SLC28A3: variants seen among roughly 807,000 people sequenced by gnomAD.
SLC28A3 encodes the protein solute carrier family 28 member 3, also known as concentrative Na(+)-nucleoside cotransporter 3.
Under a neutral mutation model 84.2 loss-of-function variants are expected in SLC28A3, and 68 were observed. That is an observed-to-expected ratio of 0.81 (90% CI 0.66 to 0.99). The LOEUF is 0.99. Among genes scored for constraint, SLC28A3 ranks in the 50% least tolerant of loss-of-function variants. The pLI is 0.00. For synonymous variants in SLC28A3, 267 were observed against 303.6 expected, an observed-to-expected ratio of 0.88 and a Z score of 1.25; for missense variants, 712 against 841.5, an observed-to-expected ratio of 0.85 and a Z score of 1.90.
chr9:84,291,724 G>T (rs1031283816), intron 10 of SLC28A3, among the ~76,000 whole-genome samples: 2 of 152,154 alleles, frequency 1.3e-5, no homozygotes, highest in Non-Finnish European at 2.9e-5. Context: ...TGTAAGCCTG[G>T]GATTTGGGGC....
At chr9:84,310,471 C>A in intron 2 of SLC28A3, 1 of 985,392 alleles carries the variant, frequency 1.0e-6, no homozygotes, top group Non-Finnish European at 1.2e-6. Context: ...ACCAATGGTA[C>A]AGAAGCTGGT....
rs897950568 is a variant in SLC28A3, at chr9:84,340,460, A to G, written c.60+114T>C. ...ATAATGGGCTTAAAGTGTGCCGTTA[A>G]AAATCGTATTGTCCTGATAATCTCC... On this transcript the variant is annotated intron_variant, in intron 1 of 17. Transcript: ENST00000376238. 7.8e-6 allele frequency: 9 copies of G among 1,148,056 alleles called. No homozygotes were observed. The East Asian group carries it at 9.4e-5, about 12-fold the overall frequency. 71.1% of individuals were successfully genotyped at this position (1,148,056 alleles called of 1,614,324 possible).
chr9:84,313,269 G>T (rs1588601922), intron 2 of SLC28A3, 90 bp downstream of exon 2: 1 of 1,082,518 alleles, frequency 9.2e-7, no homozygotes, highest in East Asian at 2.4e-5. Flanking sequence ...TGCCAGTGGG[G>T]CGCCATGCTT....
At chr9:84,347,749 C>A in the SLC28A3 span, among the ~76,000 whole-genome samples, 25 of 152,282 alleles carry the variant, frequency 1.6e-4, no homozygotes, top group Middle Eastern at 3.4e-3. Flanking sequence ...ATGCATAGAA[C>A]TGAAAGCTAT....
At chr9:84,348,422 C>T in the SLC28A3 span, among the ~76,000 whole-genome samples, 1 of 151,742 alleles carries the variant, frequency 6.6e-6, no homozygotes, top group Non-Finnish European at 1.5e-5. Context: ...TACTTCTACA[C>T]TCACTAGCTG....
rs2118040913 is a variant in SLC28A3, at chr9:84,280,662, A to T, written c.1729+139T>A. On this transcript the variant is annotated intron_variant, in intron 15 of 17. Transcript: ENST00000376238. ...GGGAAAACTATATTGCAGACTAGAGATTAAAAAAATAGACCCCAGAGGACT... is the reference window on the plus strand; with the variant it reads ...GGGAAAACTATATTGCAGACTAGAGTTTAAAAAAATAGACCCCAGAGGACT... The T allele has an allele frequency of 3.8e-6, 3 of 787,124 alleles. No individual in the cohort carries two copies. In the East Asian group the frequency reaches 8.0e-5, roughly 21 times the overall value. The allele number at this position is 787,124 out of a possible 1,614,324, so 48.8% of individuals were successfully genotyped here. A position where few individuals can be genotyped will look rare whatever the true frequency, so the allele number is the denominator to read the frequency against.
the SLC28A3 span, among the ~76,000 whole-genome samples, chr9:84,368,543 G>T: frequency 4.4e-4 from 67 of 152,180 alleles, 1 homozygote; most frequent in Middle Eastern, 0.017. Flanking sequence ...CTTCAAGGTG[G>T]CAGGTTCACT....
intron 14 of SLC28A3, among the ~76,000 whole-genome samples, chr9:84,284,890 C>A (rs1218107588): frequency 6.6e-6 from 1 of 152,196 alleles, no homozygotes; most frequent in Non-Finnish European, 1.5e-5. Flanking sequence ...TGGACAGTTT[C>A]TCAGAGCTCA....
chr9:84,363,208 G>C, the SLC28A3 span, among the ~76,000 whole-genome samples: 1 of 152,166 alleles, frequency 6.6e-6, no homozygotes, highest in Admixed American at 6.5e-5. Context: ...AGGGTCCCTA[G>C]GACTAATCTG....
At chr9:84,327,518 T>C (rs1241659124) in intron 1 of SLC28A3, among the ~76,000 whole-genome samples, 2 of 152,170 alleles carry the variant, frequency 1.3e-5, no homozygotes, top group African/African-American at 4.8e-5. Context: ...CCTGCAATCA[T>C]GAAAACTAGG....
the SLC28A3 span, among the ~76,000 whole-genome samples, chr9:84,360,225 T>C: frequency 6.6e-6 from 1 of 151,870 alleles, no homozygotes; most frequent in Non-Finnish European, 1.5e-5. Context: ...ACGGATATGG[T>C]CAAGGGCCCA....
intron 1 of SLC28A3, among the ~76,000 whole-genome samples, chr9:84,315,311 T>C (rs1292628997): frequency 6.6e-6 from 1 of 152,210 alleles, no homozygotes; most frequent in Non-Finnish European, 1.5e-5. Context: ...TTAGGGTCCC[T>C]ACTGAGCAGG....
At position 84,276,776 on chromosome 9, in the gene SLC28A3, T is replaced by C. The variant is rs1456041751; in HGVS notation, c.*1442A>G. On this transcript the variant is annotated 3_prime_UTR_variant, in exon 18 of 18. Coordinates refer to ENST00000376238, the MANE Select transcript of SLC28A3 (RefSeq NM_001199633.2). ...AACAAAACACACAAAAAACCCCAAC[T>C]ATTTTCACATAGCTTTTTCTTTTAA... The C allele has an allele frequency of 1.3e-5, 2 of 152,186 alleles. No individual in the cohort carries two copies. Among genetic ancestry groups the C allele is most frequent in the African/African-American group, 4.8e-5 (2 of 41,442 alleles). 9.4% of individuals were successfully genotyped at this position (152,186 alleles called of 1,614,324 possible).
At position 84,278,297 on chromosome 9, in the gene SLC28A3, CTG is replaced by C; in HGVS notation, c.1995_1996del (p.His665GlnfsTer18). ...GCAGCAGCCCTTCAAAGAATACAGA[CTG>C]TGGTTTCCTCCTGGGATGACTTCAC... On this transcript the variant is annotated frameshift_variant, in exon 18 of 18. Transcript: ENST00000376238. LOFTEE classifies it high-confidence loss of function. 6.2e-7 allele frequency: 1 copy of C among 1,614,178 alleles called. No homozygotes were observed.
intron 10 of SLC28A3, 67 bp from the exon 11 acceptor site, chr9:84,290,346 A>C (rs1275324702): frequency 1.3e-6 from 2 of 1,569,082 alleles, no homozygotes; most frequent in Non-Finnish European, 1.7e-6. Context: ...AGGCATGCCA[A>C]TCTACTCACA....
chr9:84,313,527 C>T, intron 1 of SLC28A3, 73 bp from the exon 2 acceptor site: 1 of 1,256,512 alleles, frequency 8.0e-7, no homozygotes. Context: ...TGAAAAATAC[C>T]TAGAGGAATT....
At chr9:84,312,542 C>CTTTTTT (rs35691184) in intron 2 of SLC28A3, among the ~76,000 whole-genome samples, 1 of 134,382 alleles carries the variant, frequency 7.4e-6, no homozygotes, top group African/African-American at 2.8e-5. Flanking sequence ...CCCCAAATTC[C>CTTTTTT]TTTTTTTTTT....
intron 1 of SLC28A3, among the ~76,000 whole-genome samples, chr9:84,318,493 G>T (rs1229226321): frequency 3.9e-5 from 6 of 152,156 alleles, no homozygotes; most frequent in Admixed American, 3.9e-4. Context: ...AAGAGAGGGA[G>T]TGCTGTACCC....
chr9:84,300,876 AG>A (rs1304712702), intron 5 of SLC28A3, among the ~76,000 whole-genome samples: 2 of 152,142 alleles, frequency 1.3e-5, no homozygotes, highest in Non-Finnish European at 1.5e-5. Flanking sequence ...ACAAGGAGAA[AG>A]GGGACACTCA....
Sources: gnomAD v4.1 joint callset for allele counts (sites outside exome capture counted in the v4.1 genomes callset) on GRCh38, gnomAD v4.1.1 for gene constraint, MANE v1.5 for transcripts, NCBI Gene and HGNC (gene_info 2026-07-23, HGNC 2026-07-21) for gene names.